The following DNM2 variants were observed in gnomAD, a reference collection of about 807,000 sequenced individuals.
DNM2 encodes the protein dynamin 2, also known as dynamin-2.
In DNM2, 15 loss-of-function variants were observed where a neutral mutation model predicts 99.0. The ratio of observed to expected loss-of-function variants is 0.15; its 90% confidence interval spans 0.10 to 0.23. DNM2 has a LOEUF of 0.23. Ranked by LOEUF, DNM2 falls within the 10% of genes least tolerant of loss-of-function variation. The pLI is 1.00. For synonymous variants in DNM2, 525 were observed against 481.2 expected (o/e 1.09, Z -1.19); for missense variants, 742 against 1,189.4 (o/e 0.62, Z 5.53).
rs918914036 is a variant in DNM2, at chr19:10,820,004, C to A, written c.1696C>A (p.Pro566Thr). ...EEEKEKKYML[P>T]LDNLKIRDVE... ...GGAGAAAGAGAAGAAGTACATGCTGCCTCTGGACAACCTCAAGATCCGTGA... is the reference window on the plus strand; with the variant it reads ...GGAGAAAGAGAAGAAGTACATGCTGACTCTGGACAACCTCAAGATCCGTGA... The change falls in exon 16 of 21, where the codon CCT becomes ACT. Residue 566 changes from proline (P) to threonine (T), a missense_variant. By Grantham distance (38) the Pro-to-Thr change is conservative. Transcript: ENST00000389253. This position sits in a 1 kb window ranked among gnomAD's most constrained non-coding sequence, Gnocchi z 4.3. The A allele has an allele frequency of 6.2e-7, 1 of 1,614,212 alleles. No homozygotes were observed. The highest frequency in any genetic ancestry group is 1.3e-5 in the African/African-American group (1 of 75,052).
At chr19:10,777,299 T>C (rs2071187105) in intron 5 of DNM2, 83 bp downstream of exon 5, 1 of 1,281,734 alleles carries the variant, frequency 7.8e-7, no homozygotes, top group African/African-American at 1.5e-5. Context: ...GTTCCCTGCC[T>C]GCCTGGAAGT....
At chr19:10,813,131 C>T (rs747569190) in intron 15 of DNM2, among the ~76,000 whole-genome samples, 12 of 152,202 alleles carry the variant, frequency 7.9e-5, no homozygotes, top group Admixed American at 1.3e-4. Flanking sequence ...CTAGGATGGT[C>T]CCTGCCCACT....
chr19:10,722,086 G>A (rs1006729853), intron 1 of DNM2, among the ~76,000 whole-genome samples: 27 of 152,122 alleles, frequency 1.8e-4, no homozygotes, highest in African/African-American at 6.3e-4. Context: ...TGGGTGATGC[G>A]TGCCGAGTGC....
rs1477254935 is a variant in DNM2, at chr19:10,764,319, G to T, written c.235+4508G>T. On this transcript the variant is annotated intron_variant, in intron 2 of 20. Transcript: ENST00000389253. This position sits in a 1 kb window ranked among gnomAD's most constrained non-coding sequence, Gnocchi z 4.1. ...TGTGGTATGCTGTCTCTTCCTGTGG[G>T]GTCTGATGTCCAAAGACAGGGCCCC... Among the ~76,000 whole-genome samples the T allele has an allele frequency of 1.3e-5, 2 of 152,190 alleles. No homozygotes were observed. The highest frequency in any genetic ancestry group is 2.9e-5 in the Non-Finnish European group (2 of 68,038).
intron 6 of DNM2, among the ~76,000 whole-genome samples, chr19:10,783,697 TTATTATTA>T (rs1470845754): frequency 1.4e-4 from 17 of 121,052 alleles, no homozygotes; most frequent in Non-Finnish European, 2.2e-4. Flanking sequence ...ATTATTATTA[TTATTATTA>T]TTTTTTATTT....
intron 7 of DNM2, among the ~76,000 whole-genome samples, chr19:10,791,868 T>C (rs1272773228): frequency 1.3e-5 from 2 of 152,120 alleles, no homozygotes; most frequent in African/African-American, 4.8e-5. Context: ...GGCGGATCAC[T>C]TGAGGTCAGG....
At chr19:10,802,163 C>T (rs1599582841) in intron 11 of DNM2, 125 bp from the exon 12 acceptor site, 1 of 968,268 alleles carries the variant, frequency 1.0e-6, no homozygotes, top group East Asian at 2.5e-5. Flanking sequence ...AGCCCCTGTT[C>T]TCCTGTCTGG....
Position 10,802,461 on chromosome 19 carries a change from A to G in DNM2, c.1493+103A>G, listed in dbSNP as rs2072187754. ...TTCTCTGAGAGGGCAGGTGTCAGAC[A>G]GTCTCTGTCGGGGGTCCTGGGGTGA... is the stretch of plus-strand genomic sequence containing the variant. On this transcript the variant is annotated intron_variant, in intron 12 of 20. Transcript: ENST00000389253. 5 of 1,356,738 alleles carry G rather than the reference A, an allele frequency of 3.7e-6. No homozygotes were observed. The African/African-American group carries it at 4.3e-5, about 12-fold the overall frequency. The allele number at this position is 1,356,738 out of a possible 1,614,324, so 84.0% of individuals were successfully genotyped here. A position where few individuals can be genotyped will look rare whatever the true frequency, so the allele number is the denominator to read the frequency against.
chr19:10,774,625 CGT>C (rs1423116778), intron 3 of DNM2, among the ~76,000 whole-genome samples: 1 of 151,702 alleles, frequency 6.6e-6, no homozygotes, highest in African/African-American at 2.4e-5. Flanking sequence ...GGGGTTTGTC[CGT>C]GTTGGTCAGG....
chr19:10,783,600 A>G (rs1203157590), intron 6 of DNM2, among the ~76,000 whole-genome samples: 1 of 152,022 alleles, frequency 6.6e-6, no homozygotes, highest in Non-Finnish European at 1.5e-5. Context: ...TATCATTGTA[A>G]TTATTCAGTC....
Position 10,808,698 on chromosome 19 carries a change from C to T in DNM2, c.1557+118C>T, listed in dbSNP as rs1004509474. On this transcript the variant is annotated intron_variant, in intron 14 of 20. Transcript: ENST00000389253. ...TCCAAATAACAAAAATACTAAAAAT[C>T]GAGCTAACCTGGAAACCCCATGCCG... 4.8e-5 allele frequency: 63 copies of T among 1,310,726 alleles called. No homozygotes were observed. The South Asian group carries it at 7.5e-4, about 16-fold the overall frequency. 81.2% of individuals were successfully genotyped at this position (1,310,726 alleles called of 1,614,324 possible). A position where few individuals can be genotyped will look rare whatever the true frequency, so the allele number is the denominator to read the frequency against.
In DNM2 at chr19:10,817,454, C is replaced by T. The variant is rs542856260; in HGVS notation, c.1672-2526C>T. On this transcript the variant is annotated intron_variant, in intron 15 of 20. Coordinates refer to ENST00000389253, the MANE Select transcript of DNM2 (RefSeq NM_001005361.3). This position sits in a 1 kb window ranked among gnomAD's most constrained non-coding sequence, Gnocchi z 4.6. The stretch of plus-strand genomic sequence containing the variant: ...TAACCAATGTGCAGACTACTGTACA[C>T]ATTGAGAGCCTCCTGAACAGGTAGT... 84 of 504,272 alleles carry T rather than the reference C, an allele frequency of 1.7e-4. 2 individuals carry two copies. The highest frequency in any genetic ancestry group is 1.2e-3 in the South Asian group (84 of 67,418). The allele number at this position is 504,272 out of a possible 1,614,324, so 31.2% of individuals were successfully genotyped here.
chr19:10,774,104 G>T (rs976573750), intron 3 of DNM2, among the ~76,000 whole-genome samples: 1 of 152,206 alleles, frequency 6.6e-6, no homozygotes, highest in Non-Finnish European at 1.5e-5. Flanking sequence ...AACCTACCTT[G>T]TCAACCAGTT....
chr19:10,738,604 G>C (rs1471160474), intron 1 of DNM2, among the ~76,000 whole-genome samples: 12 of 151,558 alleles, frequency 7.9e-5, no homozygotes, highest in Admixed American at 2.6e-4. Flanking sequence ...GCTCACGCCT[G>C]TGATCCCAGC....
chr19:10,795,548 G>C lies in DNM2; in HGVS notation c.1196+109G>C. 1 of 1,319,660 alleles carries C rather than the reference G, an allele frequency of 7.6e-7. No individual in the cohort carries two copies. The highest frequency in any genetic ancestry group is 1.1e-6 in the Non-Finnish European group (1 of 922,204). The allele number at this position is 1,319,660 out of a possible 1,614,324, so 81.7% of individuals were successfully genotyped here. A position where few individuals can be genotyped will look rare whatever the true frequency, so the allele number is the denominator to read the frequency against. ...GTCCCTAATCGTTAGGCCTTAAGAG[G>C]GCTCTTGGATGGTTTTCTGTAGCTG... On this transcript the variant is annotated intron_variant, in intron 9 of 20. Coordinates refer to ENST00000389253, the MANE Select transcript of DNM2 (RefSeq NM_001005361.3). The surrounding 1 kb of genome is among the most constrained non-coding windows in gnomAD (Gnocchi z 4.2).
intron 2 of DNM2, among the ~76,000 whole-genome samples, chr19:10,763,862 G>A (rs1434168532): frequency 6.6e-6 from 1 of 152,184 alleles, no homozygotes; most frequent in Non-Finnish European, 1.5e-5. Context: ...ATGCAAGCGG[G>A]GAGTGGGGGA....
rs544056965 is a variant in DNM2 at position 10,793,540 on chromosome 19, G to A, written c.993-180G>A. Among the ~76,000 whole-genome samples the A allele has an allele frequency of 3.3e-5, 5 of 152,338 alleles. No individual in the cohort carries two copies. The South Asian group carries it at 8.3e-4, about 25-fold the overall frequency. ...AACAGGCTTAGCTTGAGCCTGACTCGTAGCCAGCATTTGCCATTGGGAGCT... is the reference window on the plus strand; with the variant it reads ...AACAGGCTTAGCTTGAGCCTGACTCATAGCCAGCATTTGCCATTGGGAGCT... On this transcript the variant is annotated intron_variant, in intron 7 of 20. Coordinates refer to ENST00000389253, the MANE Select transcript of DNM2 (RefSeq NM_001005361.3).
chr19:10,812,314 C>A lies in DNM2; in HGVS notation c.1608C>A (p.Gly536=). ...LTINNISLMK[G]GSKEYWFVLT... Reference sequence around the variant, plus strand: ...TCAACAACATCAGCCTGATGAAAGGCGGCTCCAAGGAGTACTGGTTTGTGC... The same window carrying A: ...TCAACAACATCAGCCTGATGAAAGGAGGCTCCAAGGAGTACTGGTTTGTGC... The change falls in exon 15 of 21, where the codon GGC becomes GGA. Residue 536 remains glycine (G), a synonymous_variant. Transcript: ENST00000389253. The surrounding 1 kb of genome is among the most constrained non-coding windows in gnomAD (Gnocchi z 4.0). 1 of 1,610,658 alleles carries A rather than the reference C, an allele frequency of 6.2e-7. No homozygotes were observed. The highest frequency in any genetic ancestry group is 8.5e-7 in the Non-Finnish European group (1 of 1,178,222).
rs550457852 is a variant in DNM2, at chr19:10,811,571, C to G, written c.1558-693C>G. On this transcript the variant is annotated intron_variant, in intron 14 of 20. Transcript: ENST00000389253. The surrounding 1 kb of genome is among the most constrained non-coding windows in gnomAD (Gnocchi z 5.4). ...TGTGCTTCCTGCAGCTCCCAGGGCCCTCGTCCTGAGTGGGGTGGGGGGCTC... is the reference window on the plus strand; with the variant it reads ...TGTGCTTCCTGCAGCTCCCAGGGCCGTCGTCCTGAGTGGGGTGGGGGGCTC... 5.0e-6 allele frequency: 2 copies of G among 397,716 alleles called. No individual in the cohort carries two copies. The highest frequency in any genetic ancestry group is 1.0e-5 in the Non-Finnish European group (2 of 196,920). 24.6% of individuals were successfully genotyped at this position (397,716 alleles called of 1,614,324 possible).
Sources: allele counts gnomAD v4.1 joint callset (sites outside exome capture counted in the v4.1 genomes callset), GRCh38; gene constraint gnomAD v4.1.1; non-coding constraint Gnocchi (gnomAD v3.1); transcripts MANE v1.5; gene names NCBI Gene and HGNC (gene_info 2026-07-23, HGNC 2026-07-21).